The following KSR2 variants were observed in gnomAD, a reference collection of about 807,000 sequenced individuals.
KSR2 encodes the protein kinase suppressor of ras 2.
Under a neutral mutation model 107.8 loss-of-function variants are expected in KSR2, and 25 were observed. The ratio of observed to expected loss-of-function variants is 0.23; its 90% CI spans 0.17 to 0.32. The LOEUF is 0.32. Ranked by LOEUF, KSR2 falls within the 10% of genes least tolerant of loss-of-function variation. KSR2 has a pLI of 1.00. For missense variants in KSR2, 887 were observed against 1,268.9 expected (o/e 0.70, Z 4.57); for synonymous variants, 480 against 507.0 (o/e 0.95, Z 0.71).
chr12:117,777,769 A>G (rs1046152481), intron 3 of KSR2, among the ~76,000 whole-genome samples: 2 of 152,116 alleles, frequency 1.3e-5, no homozygotes, highest in African/African-American at 4.8e-5. Flanking sequence ...GTGGCTCAAA[A>G]TGCTGTCATC....
intron 1 of KSR2, among the ~76,000 whole-genome samples, chr12:117,896,916 A>T (rs1394443604): frequency 6.6e-6 from 1 of 152,178 alleles, no homozygotes; most frequent in Non-Finnish European, 1.5e-5. Context: ...ATGGGTAGGC[A>T]GTCGTCACCC....
chr12:117,931,620 G>T (rs1327447296), intron 1 of KSR2, among the ~76,000 whole-genome samples: 1 of 152,164 alleles, frequency 6.6e-6, no homozygotes, highest in Non-Finnish European at 1.5e-5. Flanking sequence ...CTGCTCATAC[G>T]TGTCAAGATT....
At chr12:117,931,389 T>A (rs985161132) in intron 1 of KSR2, among the ~76,000 whole-genome samples, 2 of 152,112 alleles carry the variant, frequency 1.3e-5, no homozygotes, top group African/African-American at 2.4e-5. Context: ...CTTCAGAGAA[T>A]GACTCAAAAA....
At chr12:117,715,721 T>C (rs1201103922) in intron 4 of KSR2, among the ~76,000 whole-genome samples, 1 of 152,172 alleles carries the variant, frequency 6.6e-6, no homozygotes, top group Non-Finnish European at 1.5e-5. Flanking sequence ...CCACAGACAA[T>C]ACAAAATGAA....
At chr12:117,620,403 C>G (rs962586403) in intron 5 of KSR2, among the ~76,000 whole-genome samples, 3 of 152,166 alleles carry the variant, frequency 2.0e-5, no homozygotes, top group Non-Finnish European at 2.9e-5. Flanking sequence ...AATTCACCAT[C>G]CCCAAACACC....
At chr12:117,943,834 T>TC (rs1206984634) in intron 1 of KSR2, among the ~76,000 whole-genome samples, 1 of 152,176 alleles carries the variant, frequency 6.6e-6, no homozygotes, top group Non-Finnish European at 1.5e-5. Context: ...GGGGGCAGTT[T>TC]CCCCCATACT....
chr12:117,968,160 G>T lies in KSR2; in HGVS notation c.96C>A (p.Asp32Glu). 2 of 1,609,336 alleles carry T rather than the reference G, an allele frequency of 1.2e-6. No individual in the cohort carries two copies. Among genetic ancestry groups the T allele is most frequent in the South Asian group, 2.2e-5 (2 of 90,906 alleles). The part of the protein sequence containing the change: ...QQCELVQNMI[D>E]LSISNLEGLR... ...GCCCTTCCAGGTTGGAGATGCTCAAGTCTATCATGTTTTGGACCAGTTCGC... is the reference window on the plus strand; with the variant it reads ...GCCCTTCCAGGTTGGAGATGCTCAATTCTATCATGTTTTGGACCAGTTCGC... The change falls in exon 1 of 20, where the codon GAC becomes GAA. Residue 32 changes from aspartate to glutamate, a missense_variant. Physicochemically the swap from Asp to Glu is conservative, Grantham distance 45. This residue lies in a region of KSR2 where 21 missense variants were observed against 57.8 expected (regional missense o/e 0.36). Transcript: ENST00000339824.
chr12:117,613,181 A>G (rs1430200793), intron 5 of KSR2, among the ~76,000 whole-genome samples: 1 of 152,208 alleles, frequency 6.6e-6, no homozygotes, highest in Admixed American at 6.5e-5. Flanking sequence ...TGACTCTCTC[A>G]TACTTCCCTA....
At chr12:117,829,057 C>A (rs1398672970) in intron 3 of KSR2, among the ~76,000 whole-genome samples, 1 of 152,144 alleles carries the variant, frequency 6.6e-6, no homozygotes, top group Non-Finnish European at 1.5e-5. Flanking sequence ...CACACACCAC[C>A]CCTTAAGTTG....
chr12:117,711,949 G>C (rs1886800513), intron 4 of KSR2, among the ~76,000 whole-genome samples: 1 of 152,196 alleles, frequency 6.6e-6, no homozygotes, highest in African/African-American at 2.4e-5. Context: ...TCCCTTGGCT[G>C]TCCTGCATGG....
At chr12:117,504,251 A>C (rs185584413) in intron 14 of KSR2, among the ~76,000 whole-genome samples, 102 of 152,322 alleles carry the variant, frequency 6.7e-4, no homozygotes, top group African/African-American at 2.2e-3. Context: ...GAAAGATGAA[A>C]ACTCCATGTA....
At chr12:117,489,836 A>G (rs1483060138) in intron 14 of KSR2, among the ~76,000 whole-genome samples, 1 of 152,174 alleles carries the variant, frequency 6.6e-6, no homozygotes, top group Non-Finnish European at 1.5e-5. Flanking sequence ...GATGTCCAGG[A>G]TGACTGAGGC....
At chr12:117,759,995 G>A (rs1888937186) in intron 4 of KSR2, among the ~76,000 whole-genome samples, 2 of 152,202 alleles carry the variant, frequency 1.3e-5, no homozygotes, top group African/African-American at 2.4e-5. Flanking sequence ...TGTAGTCCCA[G>A]CTACTTGGGA....
At chr12:117,948,154 A>G (rs923050806) in intron 1 of KSR2, among the ~76,000 whole-genome samples, 4 of 152,186 alleles carry the variant, frequency 2.6e-5, no homozygotes, top group Admixed American at 6.6e-5. Flanking sequence ...GGTCAATTTT[A>G]AGAATTACAA....
intron 4 of KSR2, among the ~76,000 whole-genome samples, chr12:117,753,093 G>C (rs1180719773): frequency 6.6e-6 from 1 of 152,218 alleles, no homozygotes; most frequent in Non-Finnish European, 1.5e-5. Flanking sequence ...TGATAAGAAT[G>C]TCAGAGGGAT....
intron 14 of KSR2, among the ~76,000 whole-genome samples, chr12:117,492,732 C>T (rs992322581): frequency 6.6e-6 from 1 of 152,032 alleles, no homozygotes; most frequent in African/African-American, 2.4e-5. Flanking sequence ...GATGTAATCG[C>T]AGGGTCTTCA....
At chr12:117,739,895 T>C (rs1888106484) in intron 4 of KSR2, among the ~76,000 whole-genome samples, 1 of 152,008 alleles carries the variant, frequency 6.6e-6, no homozygotes, top group South Asian at 2.1e-4. Context: ...TTACTGTTTT[T>C]TTTTTTCACT....
At chr12:117,629,384 A>G (rs1882701852) in intron 5 of KSR2, among the ~76,000 whole-genome samples, 1 of 152,230 alleles carries the variant, frequency 6.6e-6, no homozygotes, top group East Asian at 1.9e-4. Flanking sequence ...AACTGCTTAC[A>G]TTCATACATT....
chr12:117,782,869 C>T (rs988076148), intron 3 of KSR2, among the ~76,000 whole-genome samples: 2 of 152,172 alleles, frequency 1.3e-5, no homozygotes, highest in African/African-American at 2.4e-5. Context: ...GGGACCAGGA[C>T]ATCTAGACCC....
Sources: gnomAD v4.1 joint callset for allele counts (sites outside exome capture counted in the v4.1 genomes callset) on GRCh38, gnomAD v4.1.1 for gene constraint, gnomAD v4.1.1 regional missense constraint, MANE v1.5 for transcripts, NCBI Gene and HGNC (gene_info 2026-07-23, HGNC 2026-07-21) for gene names.